Variants in SPARC observed in about 807,000 individuals in gnomAD.
The protein encoded by SPARC is basement-membrane protein 40.
SPARC carries 23 observed loss-of-function variants against 37.7 expected under a neutral mutation model. That is an observed-to-expected ratio of 0.61 (90% confidence interval 0.44 to 0.87). The LOEUF (loss-of-function observed/expected upper bound fraction) is 0.87, where lower values mean the gene tolerates loss of function less well. SPARC is among the 40% of genes least tolerant of loss of function. The pLI is 0.00. For synonymous variants in SPARC, 155 were observed against 150.8 expected, an observed-to-expected ratio of 1.03 and a Z score of -0.20; for missense variants, 312 against 389.0, an observed-to-expected ratio of 0.80 and a Z score of 1.66.
chr5:151,677,901 G>C (rs1581528858), intron 1 of SPARC, among the ~76,000 whole-genome samples: 1 of 152,190 alleles, frequency 6.6e-6, no homozygotes, highest in African/African-American at 2.4e-5. Context: ...TTCCAGAGGA[G>C]TCTAGTCTTC....
chr5:151,674,205 G>T (rs1760809129), intron 3 of SPARC, among the ~76,000 whole-genome samples: 1 of 151,998 alleles, frequency 6.6e-6, no homozygotes, highest in Non-Finnish European at 1.5e-5. Flanking sequence ...TAGAGACAGG[G>T]TTTCACCATG....
At chr5:151,672,991 C>A in intron 4 of SPARC, 138 bp downstream of exon 4, 1 of 698,344 alleles carries the variant, frequency 1.4e-6, no homozygotes, top group South Asian at 1.6e-5. Flanking sequence ...TAAGTCAAAG[C>A]CGTGTTTCCT....
chr5:151,665,858 C>A (rs1319885088), intron 8 of SPARC, among the ~76,000 whole-genome samples: 1 of 152,208 alleles, frequency 6.6e-6, no homozygotes, highest in Non-Finnish European at 1.5e-5. Flanking sequence ...CTCGTTTGGA[C>A]AAGGGACAAG....
In SPARC at chr5:151,681,762, G is replaced by A. The variant is rs182070189; in HGVS notation, c.-14+5103C>T. ...CAAAAAATTAGCCGGGCATGGTGGCGGGCGCCTAAAATCCCAGCAACTCGG... is the reference window on the plus strand; with the variant it reads ...CAAAAAATTAGCCGGGCATGGTGGCAGGCGCCTAAAATCCCAGCAACTCGG... On this transcript the variant is annotated intron_variant, in intron 1 of 9. Coordinates refer to ENST00000231061, the MANE Select transcript of SPARC (RefSeq NM_003118.4). 7.6e-3 allele frequency among the ~76,000 whole-genome samples: 1,154 copies of A among 152,208 alleles called. 6 individuals are homozygous for A. The highest frequency in any genetic ancestry group is 0.017 in the Middle Eastern group (5 of 294).
intron 4 of SPARC, among the ~76,000 whole-genome samples, chr5:151,672,398 A>G (rs1052028188): frequency 6.6e-6 from 1 of 152,136 alleles, no homozygotes; most frequent in African/African-American, 2.4e-5. Context: ...AGCTTGTCTG[A>G]AAACTTCCCG....
chr5:151,683,024 G>A (rs772429917), intron 1 of SPARC, among the ~76,000 whole-genome samples: 6 of 146,110 alleles, frequency 4.1e-5, no homozygotes, highest in Admixed American at 6.8e-5. Context: ...AAATAATTCC[G>A]TCAAGTCACT....
intron 5 of SPARC, among the ~76,000 whole-genome samples, chr5:151,670,026 G>C (rs1760716467): frequency 6.6e-6 from 1 of 152,190 alleles, no homozygotes; most frequent in Non-Finnish European, 1.5e-5. Flanking sequence ...GACTGAGTCA[G>C]TTCTGAGATA....
chr5:151,685,418 T>TCACACACA (rs1300799488), intron 1 of SPARC, among the ~76,000 whole-genome samples: 1 of 62,012 alleles, frequency 1.6e-5, no homozygotes, highest in East Asian at 6.4e-4. Flanking sequence ...TCTCCCTCTC[T>TCACACACA]CTCTCACACA....
intron 1 of SPARC, 63 bp from the exon 2 acceptor site, chr5:151,676,264 G>A (rs745758667): frequency 1.4e-4 from 159 of 1,154,320 alleles, no homozygotes; most frequent in Non-Finnish European, 1.9e-4. Context: ...ATTTCCTTCT[G>A]AATTCCTGAT....
chr5:151,674,488 C>G, intron 3 of SPARC, 124 bp downstream of exon 3: 1 of 820,260 alleles, frequency 1.2e-6, no homozygotes, highest in Non-Finnish European at 2.1e-6. Context: ...TGCATCTATG[C>G]TATGTGTGTA....
chr5:151,677,824 AATGAAGTAAAACTAAC>A (rs1273496083), intron 1 of SPARC, among the ~76,000 whole-genome samples: 2 of 152,198 alleles, frequency 1.3e-5, no homozygotes, highest in Non-Finnish European at 2.9e-5. Flanking sequence ...GCACAGAGTG[AATGAAGTAAAACTAAC>A]AGAAATGTAA....
intron 7 of SPARC, among the ~76,000 whole-genome samples, chr5:151,666,870 A>G (rs1760635516): frequency 6.6e-6 from 1 of 152,156 alleles, no homozygotes; most frequent in South Asian, 2.1e-4. Context: ...TACTAAAAAT[A>G]CAAAAATTAG....
At chr5:151,666,579 C>T (rs549185676) in intron 7 of SPARC, 70 bp from the exon 8 acceptor site, 2 of 1,486,204 alleles carry the variant, frequency 1.3e-6, no homozygotes, top group Admixed American at 1.8e-5. Flanking sequence ...GCCCTCCCAC[C>T]CCTCCCAGAA....
chr5:151,667,712 C>T, intron 6 of SPARC, 112 bp from the exon 7 acceptor site: 3 of 1,192,436 alleles, frequency 2.5e-6, no homozygotes, highest in Admixed American at 4.4e-5. Flanking sequence ...GGCACAGTGG[C>T]TCAACCTCTC....
chr5:151,676,068 G>T, intron 2 of SPARC, 64 bp downstream of exon 2: 1 of 1,384,962 alleles, frequency 7.2e-7, no homozygotes, highest in South Asian at 1.2e-5. Flanking sequence ...GGGCTGGCAG[G>T]CTCAGAACCC....
At chr5:151,680,214 A>ATTTT (rs1258425937) in intron 1 of SPARC, among the ~76,000 whole-genome samples, 4 of 89,986 alleles carry the variant, frequency 4.4e-5, no homozygotes, top group Admixed American at 1.0e-4. Flanking sequence ...AGTGGAAAAC[A>ATTTT]TCTTTTTTTT....
intron 3 of SPARC, 107 bp downstream of exon 3, chr5:151,674,505 G>A: frequency 1.0e-6 from 1 of 965,668 alleles, no homozygotes; most frequent in Admixed American, 1.8e-5. Context: ...TGTACAGGGA[G>A]ACGAATGCCC....
chr5:151,664,286 C>T, intron 8 of SPARC, 51 bp from the exon 9 acceptor site: 1 of 1,580,110 alleles, frequency 6.3e-7, no homozygotes, highest in Non-Finnish European at 8.6e-7. Flanking sequence ...AGCTCCACAC[C>T]CAGCCTTGGG....
chr5:151,680,216 CTTTTT>C (rs58021431), intron 1 of SPARC, among the ~76,000 whole-genome samples: 3 of 61,968 alleles, frequency 4.8e-5, no homozygotes, highest in African/African-American at 1.5e-4. Context: ...TGGAAAACAT[CTTTTT>C]TTTTTTTTTT....
Sources: allele counts gnomAD v4.1 joint callset (sites outside exome capture counted in the v4.1 genomes callset), GRCh38; gene constraint gnomAD v4.1.1; transcripts MANE v1.5; gene names NCBI Gene and HGNC (gene_info 2026-07-23, HGNC 2026-07-21).